Variants in VTI1A observed in about 807,000 individuals in gnomAD.
VTI1A encodes the protein vesicle transport through interaction with t-SNAREs 1A, also known as vesicle transport through interaction with t-SNAREs homolog 1A.
Under a neutral mutation model 34.9 loss-of-function variants are expected in VTI1A, and 22 were observed. The observed-to-expected ratio is 0.63, with a 90% CI of 0.45 to 0.90. VTI1A has a LOEUF of 0.90. Ranked by LOEUF, VTI1A falls within the 40% of genes least tolerant of loss-of-function variation. The pLI, the probability that VTI1A is intolerant of heterozygous loss-of-function variation, is 0.00. For missense variants in VTI1A, 268 were observed against 275.6 expected (o/e 0.97, Z 0.20); for synonymous variants, 87 against 97.3 (o/e 0.89, Z 0.62).
chr10:112,584,417 A>G (rs1011173065), intron 5 of VTI1A, among the ~76,000 whole-genome samples: 3 of 152,220 alleles, frequency 2.0e-5, no homozygotes, highest in Admixed American at 6.5e-5. Context: ...TAAGAGCACA[A>G]CGAAAAGGAT....
At chr10:112,493,082 A>G (rs74585777) in intron 3 of VTI1A, among the ~76,000 whole-genome samples, 3,852 of 152,248 alleles carry the variant, frequency 0.025, 151 homozygotes, top group African/African-American at 0.088. Flanking sequence ...TATGGGAGAA[A>G]TTGCTATCTT....
the VTI1A span, among the ~76,000 whole-genome samples, chr10:112,838,877 C>A: frequency 2.0e-5 from 3 of 152,228 alleles, no homozygotes; most frequent in Non-Finnish European, 4.4e-5. Context: ...TTGTCACCAG[C>A]GATGTGGATG....
intron 4 of VTI1A, among the ~76,000 whole-genome samples, chr10:112,528,503 G>GA (rs57539061): frequency 0.14 from 21,208 of 147,916 alleles, 1,548 homozygotes; most frequent in Non-Finnish European, 0.17. Flanking sequence ...ATAGCTAAAG[G>GA]AAAAAAAAAA....
intron 3 of VTI1A, among the ~76,000 whole-genome samples, chr10:112,485,653 C>A (rs562792498): frequency 6.6e-6 from 1 of 152,302 alleles, no homozygotes; most frequent in East Asian, 1.9e-4. Context: ...CAGATGACAT[C>A]TTTAGATATT....
At chr10:112,512,490 A>G (rs1054479135) in intron 3 of VTI1A, among the ~76,000 whole-genome samples, 1 of 152,058 alleles carries the variant, frequency 6.6e-6, no homozygotes, top group African/African-American at 2.4e-5. Context: ...CTCTCATTCA[A>G]CAGGTTTTCT....
At chr10:112,720,554 T>C (rs555560698) in intron 7 of VTI1A, among the ~76,000 whole-genome samples, 19 of 152,326 alleles carry the variant, frequency 1.2e-4, no homozygotes, top group African/African-American at 4.1e-4. Flanking sequence ...TTCTTTTGCC[T>C]CACCTCAGGC....
chr10:112,721,357 A>C (rs1849801868), intron 7 of VTI1A, among the ~76,000 whole-genome samples: 1 of 152,234 alleles, frequency 6.6e-6, no homozygotes, highest in Non-Finnish European at 1.5e-5. Flanking sequence ...CAGAAGTAGA[A>C]TATATGGTTC....
intron 5 of VTI1A, chr10:112,538,589 G>A: frequency 5.4e-6 from 2 of 368,172 alleles, no homozygotes; most frequent in Non-Finnish European, 4.9e-6. Flanking sequence ...TTCTACATTT[G>A]TCTTAATATG....
At chr10:112,844,473 A>T in the VTI1A span, among the ~76,000 whole-genome samples, 1 of 152,180 alleles carries the variant, frequency 6.6e-6, no homozygotes. Flanking sequence ...ATCTCGGCTC[A>T]CTGCAATCTC....
At chr10:112,610,891 C>G (rs1319186103) in intron 5 of VTI1A, among the ~76,000 whole-genome samples, 1 of 151,992 alleles carries the variant, frequency 6.6e-6, no homozygotes, top group Non-Finnish European at 1.5e-5. Context: ...TGCGCTCCAG[C>G]CTGGGCGACA....
the VTI1A span, among the ~76,000 whole-genome samples, chr10:112,848,105 C>T: frequency 4.6e-5 from 7 of 152,298 alleles, no homozygotes; most frequent in African/African-American, 1.7e-4. Flanking sequence ...CAGACACAAC[C>T]GCCATCATGA....
chr10:112,819,380 G>A (rs963435301), downstream of VTI1A, among the ~76,000 whole-genome samples: 6 of 152,072 alleles, frequency 3.9e-5, no homozygotes, highest in Non-Finnish European at 7.4e-5. Context: ...TGTGGTCAGC[G>A]CTGGTTTCAG....
At chr10:112,503,752 G>A (rs1055550778) in intron 3 of VTI1A, among the ~76,000 whole-genome samples, 4 of 152,054 alleles carry the variant, frequency 2.6e-5, no homozygotes, top group Non-Finnish European at 5.9e-5. Flanking sequence ...TGCTATCTAC[G>A]TGAAATAGTG....
At chr10:112,722,349 G>A (rs1272730146) in intron 7 of VTI1A, among the ~76,000 whole-genome samples, 1 of 151,952 alleles carries the variant, frequency 6.6e-6, no homozygotes, top group Admixed American at 6.6e-5. Flanking sequence ...ATCACACACC[G>A]GGACCTGTCG....
At chr10:112,551,674 A>G (rs1450741577) in intron 5 of VTI1A, among the ~76,000 whole-genome samples, 1 of 152,230 alleles carries the variant, frequency 6.6e-6, no homozygotes, top group African/African-American at 2.4e-5. Flanking sequence ...ATAGATTCTA[A>G]TAATAAATAC....
intron 5 of VTI1A, among the ~76,000 whole-genome samples, chr10:112,643,168 T>C (rs2133783381): frequency 6.8e-6 from 1 of 148,134 alleles, no homozygotes; most frequent in African/African-American, 2.5e-5. Context: ...TTTTTTCTTT[T>C]TTTTTTTTTG....
At chr10:112,833,202 A>C in the VTI1A span, among the ~76,000 whole-genome samples, 1,506 of 152,036 alleles carry the variant, frequency 9.9e-3, 8 homozygotes, top group Non-Finnish European at 0.015. Context: ...TCCTCTCAGC[A>C]TCTCCTGCAG....
chr10:112,816,897 A>G lies in VTI1A; in HGVS notation c.*1514A>G, dbSNP rs1853538537. On this transcript the variant is annotated 3_prime_UTR_variant, in exon 8 of 8. Coordinates refer to ENST00000393077, the MANE Select transcript of VTI1A (RefSeq NM_145206.4). ...TCCACCAGAGAAATTGCACTTATCG[A>G]AACAGGCCAAGGCCTGCATGTGTTC... 1 of 230,786 alleles carries G rather than the reference A, an allele frequency of 4.3e-6. No homozygotes were observed. The highest frequency in any genetic ancestry group is 2.2e-5 in the African/African-American group (1 of 45,334). 14.3% of individuals were successfully genotyped at this position (230,786 alleles called of 1,614,324 possible). A position where few individuals can be genotyped will look rare whatever the true frequency, so the allele number is the denominator to read the frequency against.
chr10:112,849,841 AT>A, the VTI1A span, among the ~76,000 whole-genome samples: 2 of 152,174 alleles, frequency 1.3e-5, no homozygotes, highest in Non-Finnish European at 2.9e-5. Context: ...GAGCCTGTGA[AT>A]GTGAAATGTG....
Sources: gnomAD v4.1 joint callset for allele counts (sites outside exome capture counted in the v4.1 genomes callset) on GRCh38, gnomAD v4.1.1 for gene constraint, MANE v1.5 for transcripts, NCBI Gene and HGNC (gene_info 2026-07-23, HGNC 2026-07-21) for gene names.